Variants in STXBP5L observed in about 807,000 individuals in gnomAD.
STXBP5L encodes the protein syntaxin binding protein 5L, also known as syntaxin-binding protein 5-like.
In STXBP5L, 65 loss-of-function variants were observed where a neutral mutation model predicts 144.5. The ratio of observed to expected loss-of-function variants is 0.45; its 90% CI spans 0.37 to 0.55. The LOEUF is 0.55. Among genes scored for constraint, STXBP5L ranks in the 20% least tolerant of loss-of-function variants. The pLI, the probability that STXBP5L is intolerant of heterozygous loss-of-function variation, is 0.00. For synonymous variants in STXBP5L, 505 were observed against 469.6 expected, an observed-to-expected ratio of 1.08 and a Z score of -0.97; for missense variants, 1,298 against 1,405.5, an observed-to-expected ratio of 0.92 and a Z score of 1.22.
chr3:121,342,849 T>G (rs935804926), intron 20 of STXBP5L, among the ~76,000 whole-genome samples: 1 of 148,282 alleles, frequency 6.7e-6, no homozygotes, highest in African/African-American at 2.5e-5. Flanking sequence ...TATAGTCCTT[T>G]GGGTACATAC....
intron 5 of STXBP5L, among the ~76,000 whole-genome samples, chr3:121,070,448 G>A (rs932781296): frequency 3.3e-5 from 5 of 151,998 alleles, no homozygotes; most frequent in African/African-American, 1.2e-4. Flanking sequence ...GTGTAAGGGG[G>A]GTGTCACACT....
At chr3:121,111,621 G>A (rs765844871) in intron 5 of STXBP5L, among the ~76,000 whole-genome samples, 10 of 152,142 alleles carry the variant, frequency 6.6e-5, no homozygotes, top group Non-Finnish European at 1.2e-4. Context: ...CATCCCAGAG[G>A]GGCACCAACC....
Position 121,239,128 on chromosome 3 carries a change from G to T in STXBP5L, c.1332+10G>T, listed in dbSNP as rs1225650336. 3 of 1,469,822 alleles carry T rather than the reference G, an allele frequency of 2.0e-6. No homozygotes were observed. The highest frequency in any genetic ancestry group is 1.8e-6 in the Non-Finnish European group (2 of 1,090,738). The allele number at this position is 1,469,822 out of a possible 1,614,324, so 91.0% of individuals were successfully genotyped here. On this transcript the variant is annotated intron_variant, in intron 13 of 26. Coordinates refer to ENST00000471454, the MANE Select transcript of STXBP5L (RefSeq NM_001308330.2). The stretch of plus-strand genomic sequence containing the variant: ...AGGATACAGTAATAAGGTAAAAGTA[G>T]AAATTATAAATAACTTTTTTTGTAT...
At chr3:121,356,923 A>C (rs1021427253) in intron 20 of STXBP5L, 1 of 155,524 alleles carries the variant, frequency 6.4e-6, no homozygotes, top group African/African-American at 2.4e-5. Flanking sequence ...CAGTCTTCAA[A>C]TTCTCCAGTC....
intron 14 of STXBP5L, 52 bp from the exon 15 acceptor site, chr3:121,250,669 ATT>A: frequency 7.0e-7 from 1 of 1,424,744 alleles, no homozygotes; most frequent in Non-Finnish European, 9.8e-7. Context: ...ATTTGGAGTG[ATT>A]ATGATTTTTA....
At chr3:120,975,843 C>G (rs1226928362) in intron 3 of STXBP5L, among the ~76,000 whole-genome samples, 1 of 152,004 alleles carries the variant, frequency 6.6e-6, no homozygotes, top group Non-Finnish European at 1.5e-5. Flanking sequence ...TGCTGGATTA[C>G]ATTTATTGAT....
chr3:121,208,294 G>A (rs1021626068), intron 10 of STXBP5L, among the ~76,000 whole-genome samples: 1 of 145,446 alleles, frequency 6.9e-6, no homozygotes, highest in Admixed American at 7.0e-5. Context: ...GAGAACACTT[G>A]GACCCAGGAA....
chr3:121,250,138 G>A (rs544855092), intron 14 of STXBP5L, among the ~76,000 whole-genome samples: 5 of 151,912 alleles, frequency 3.3e-5, no homozygotes, highest in African/African-American at 4.8e-5. Flanking sequence ...GAGGAATATC[G>A]GTTTGTAATT....
At chr3:121,229,682 A>G (rs960401859) in intron 11 of STXBP5L, among the ~76,000 whole-genome samples, 23 of 152,182 alleles carry the variant, frequency 1.5e-4, no homozygotes, top group Admixed American at 2.6e-4. Context: ...CAGCCCCCCA[A>G]GTAGCTGAAA....
intron 19 of STXBP5L, among the ~76,000 whole-genome samples, chr3:121,289,085 C>A (rs149964334): frequency 1.3e-3 from 196 of 152,206 alleles, no homozygotes; most frequent in Non-Finnish European, 2.3e-3. Flanking sequence ...AGTTCACCAG[C>A]CAAGTATCTG....
chr3:121,054,483 A>T (rs992539712), intron 5 of STXBP5L, among the ~76,000 whole-genome samples: 1 of 151,476 alleles, frequency 6.6e-6, no homozygotes, highest in Non-Finnish European at 1.5e-5. Flanking sequence ...GCAAACTATC[A>T]CAAGGACAAG....
intron 18 of STXBP5L, 24 bp downstream of exon 18, chr3:121,259,192 A>G: frequency 6.0e-6 from 9 of 1,509,526 alleles, no homozygotes; most frequent in Non-Finnish European, 7.1e-6. Flanking sequence ...CTTTTTTATG[A>G]TATGTATTAT....
chr3:121,378,753 G>T lies in STXBP5L; in HGVS notation c.2214G>T (p.Gln738His). Residue 738 changes from glutamine to histidine, a missense_variant, in exon 21 of 27, where the codon CAG becomes CAT. Gln to His is a conservative substitution (Grantham distance 24). Transcript: ENST00000471454. ...GACACTGCACAAGTCCAACTTCTCA[G>T]AGTTGCAGTTCTGGAAAACGTCTTT... Reference protein sequence around the residue: ...VNGHCTSPTSQSCSSGKRLSS... With the variant: ...VNGHCTSPTSHSCSSGKRLSS... 3 of 1,613,680 alleles carry T rather than the reference G, an allele frequency of 1.9e-6. No homozygotes were observed. The highest frequency in any genetic ancestry group is 2.5e-6 in the Non-Finnish European group (3 of 1,179,802).
intron 20 of STXBP5L, among the ~76,000 whole-genome samples, chr3:121,354,506 T>TG (rs1344834836): frequency 1.5e-5 from 2 of 129,394 alleles, no homozygotes; most frequent in Admixed American, 7.9e-5. Context: ...ATTGCAACCC[T>TG]GCTTTTTTTT....
At chr3:120,978,808 A>G (rs1941398994) in intron 3 of STXBP5L, among the ~76,000 whole-genome samples, 1 of 152,156 alleles carries the variant, frequency 6.6e-6, no homozygotes. Flanking sequence ...CTAGAGGTCC[A>G]CTCCAGACCC....
chr3:121,341,021 A>G (rs898388043), intron 20 of STXBP5L, among the ~76,000 whole-genome samples: 1 of 152,122 alleles, frequency 6.6e-6, no homozygotes, highest in Non-Finnish European at 1.5e-5. Context: ...GATTACATCA[A>G]GCTAAAAAGA....
chr3:121,237,435 G>T (rs1189391971), intron 12 of STXBP5L, among the ~76,000 whole-genome samples: 1 of 152,206 alleles, frequency 6.6e-6, no homozygotes, highest in East Asian at 1.9e-4. Context: ...AAACCATTCT[G>T]TTCTCCTAGG....
At chr3:121,165,668 ACT>A (rs2046471986) in intron 9 of STXBP5L, among the ~76,000 whole-genome samples, 1 of 151,966 alleles carries the variant, frequency 6.6e-6, no homozygotes. Context: ...GGAAACAAGG[ACT>A]CTCAGCAAAG....
At chr3:120,941,753 T>C (rs569442) in intron 2 of STXBP5L, among the ~76,000 whole-genome samples, 1 of 151,682 alleles carries the variant, frequency 6.6e-6, no homozygotes, top group Non-Finnish European at 1.5e-5. Flanking sequence ...GGCACTAGGC[T>C]CAGTGAAGGG....
Sources: allele counts gnomAD v4.1 joint callset (sites outside exome capture counted in the v4.1 genomes callset), GRCh38; gene constraint gnomAD v4.1.1; transcripts MANE v1.5; gene names NCBI Gene and HGNC (gene_info 2026-07-23, HGNC 2026-07-21).